Variants in ENAH observed in about 807,000 individuals in gnomAD.
ENAH encodes protein enabled homolog.
In ENAH, 23 loss-of-function variants were observed where a neutral mutation model predicts 78.7. That is an observed-to-expected ratio of 0.29 (90% CI 0.21 to 0.41). The LOEUF is 0.41. Ranked by LOEUF, ENAH falls within the 10% of genes least tolerant of loss-of-function variation. ENAH has a pLI of 1.00. For missense variants in ENAH, 544 were observed against 691.0 expected, an observed-to-expected ratio of 0.79 and a Z score of 2.39; for synonymous variants, 226 against 241.0, an observed-to-expected ratio of 0.94 and a Z score of 0.58.
intron 1 of ENAH, chr1:225,652,280 A>G: frequency 1.0e-6 from 1 of 958,422 alleles, no homozygotes; most frequent in Non-Finnish European, 1.2e-6. Context: ...TTCGGAGGCA[A>G]AAGTGCATGA....
At chr1:225,570,580 A>G (rs1285659518) in intron 1 of ENAH, among the ~76,000 whole-genome samples, 2 of 152,114 alleles carry the variant, frequency 1.3e-5, no homozygotes, top group African/African-American at 4.8e-5. Context: ...ATAATGATCC[A>G]TGTCCATTTC....
intron 5 of ENAH, among the ~76,000 whole-genome samples, chr1:225,518,468 G>C (rs140922788): frequency 2.1e-3 from 317 of 152,146 alleles, no homozygotes; most frequent in African/African-American, 7.3e-3. Flanking sequence ...GTTTTGTTTT[G>C]TTGGCCATAA....
chr1:225,608,815 C>CAAGAAAAAAAA (rs2096971748), intron 1 of ENAH, among the ~76,000 whole-genome samples: 1 of 20,660 alleles, frequency 4.8e-5, no homozygotes, highest in African/African-American at 1.7e-4. Flanking sequence ...GACTCTGTCT[C>CAAGAAAAAAAA]AAAAAAAAAA....
chr1:225,536,114 TA>T, intron 3 of ENAH, among the ~76,000 whole-genome samples: 1 of 152,266 alleles, frequency 6.6e-6, no homozygotes, highest in East Asian at 1.9e-4. Context: ...TTTGGTTTGC[TA>T]AAAGTCAGCT....
intron 1 of ENAH, among the ~76,000 whole-genome samples, chr1:225,640,774 AT>A (rs951300739): frequency 9.2e-5 from 14 of 151,848 alleles, no homozygotes; most frequent in African/African-American, 2.9e-4. Context: ...CAGCGATTAC[AT>A]TTTTTTTAAA....
chr1:225,581,181 T>C (rs1020093197), intron 1 of ENAH: 3 of 699,292 alleles, frequency 4.3e-6, no homozygotes, highest in Non-Finnish European at 1.8e-6. Context: ...TGGCAACACA[T>C]ACTTCCCTAT....
chr1:225,522,476 AT>A (rs1192480641), intron 4 of ENAH, among the ~76,000 whole-genome samples: 1 of 152,210 alleles, frequency 6.6e-6, no homozygotes, highest in African/African-American at 2.4e-5. Flanking sequence ...ATAAAATCAG[AT>A]TTTCAGGATC....
At chr1:225,626,295 C>G (rs546485509) in intron 1 of ENAH, among the ~76,000 whole-genome samples, 1 of 152,314 alleles carries the variant, frequency 6.6e-6, no homozygotes, top group African/African-American at 2.4e-5. Flanking sequence ...GATAAACAGT[C>G]AGCTTAAGTA....
chr1:225,504,740 G>A (rs779061319), intron 11 of ENAH, among the ~76,000 whole-genome samples: 2 of 152,074 alleles, frequency 1.3e-5, no homozygotes, highest in Admixed American at 6.5e-5. Context: ...AAAAGAAAAC[G>A]CTTAAGCTAC....
At chr1:225,534,661 C>T (rs1403073184) in intron 3 of ENAH, among the ~76,000 whole-genome samples, 4 of 151,982 alleles carry the variant, frequency 2.6e-5, no homozygotes, top group African/African-American at 9.7e-5. Flanking sequence ...ATCTGGCTAG[C>T]AAGGTACACA....
chr1:225,622,625 T>C (rs1338021160), intron 1 of ENAH, among the ~76,000 whole-genome samples: 2 of 152,120 alleles, frequency 1.3e-5, no homozygotes, highest in South Asian at 4.1e-4. Flanking sequence ...ATGCTGTTCA[T>C]GGATGGCACC....
intron 11 of ENAH, chr1:225,505,069 C>A: frequency 5.0e-6 from 8 of 1,588,446 alleles, no homozygotes; most frequent in Non-Finnish European, 6.9e-6. Flanking sequence ...AAGGGGAAAA[C>A]CATTGAAAGG....
At chr1:225,639,618 T>C (rs1383204463) in intron 1 of ENAH, among the ~76,000 whole-genome samples, 1 of 152,022 alleles carries the variant, frequency 6.6e-6, no homozygotes, top group African/African-American at 2.4e-5. Flanking sequence ...GCCTCCGAAC[T>C]GTGAACCACA....
chr1:225,567,978 G>A lies in ENAH; in HGVS notation c.6-564C>T, dbSNP rs554492368. ...CTGCCCCTTGAGACATGGAGTGGCC[G>A]CTAACAACCAATGGATGGCAGTGTA... On this transcript the variant is annotated intron_variant, in intron 1 of 13. Coordinates refer to ENST00000366843, the MANE Select transcript of ENAH (RefSeq NM_018212.6). 1.6e-4 allele frequency among the ~76,000 whole-genome samples: 24 copies of A among 152,208 alleles called. No homozygotes were observed. The South Asian group carries it at 3.5e-3, about 22-fold the overall frequency.
chr1:225,637,530 C>T (rs1239935715), intron 1 of ENAH, among the ~76,000 whole-genome samples: 1 of 151,798 alleles, frequency 6.6e-6, no homozygotes, highest in East Asian at 1.9e-4. Flanking sequence ...AAAGTTTAGA[C>T]AGGATGGCTG....
chr1:225,539,969 CT>C (rs1230884261), intron 3 of ENAH, among the ~76,000 whole-genome samples: 1 of 152,002 alleles, frequency 6.6e-6, no homozygotes, highest in South Asian at 2.1e-4. Context: ...ATTGTATATG[CT>C]TTTTTCTGAT....
intron 4 of ENAH, among the ~76,000 whole-genome samples, chr1:225,522,560 T>C (rs1236673604): frequency 6.6e-6 from 1 of 152,208 alleles, no homozygotes; most frequent in Non-Finnish European, 1.5e-5. Flanking sequence ...AATAACTTTA[T>C]CTGCAGGGAT....
chr1:225,523,849 T>G (rs1297074831), intron 4 of ENAH, among the ~76,000 whole-genome samples: 1 of 152,228 alleles, frequency 6.6e-6, no homozygotes, highest in Non-Finnish European at 1.5e-5. Context: ...ATTCACATAC[T>G]GGAAATGCAC....
chr1:225,578,355 G>C (rs780514979), intron 1 of ENAH, among the ~76,000 whole-genome samples: 25 of 152,138 alleles, frequency 1.6e-4, no homozygotes, highest in Admixed American at 7.2e-4. Flanking sequence ...TGCACCTGTA[G>C]TCCCACCTAC....
Sources: gnomAD v4.1 joint callset for allele counts (sites outside exome capture counted in the v4.1 genomes callset) on GRCh38, gnomAD v4.1.1 for gene constraint, MANE v1.5 for transcripts, NCBI Gene and HGNC (gene_info 2026-07-23, HGNC 2026-07-21) for gene names.